KIF1C: variants seen among roughly 807,000 people sequenced by gnomAD.
The protein encoded by KIF1C is kinesin-like protein KIF1C.
KIF1C carries 61 observed loss-of-function variants against 126.5 expected under a neutral mutation model. That is an observed-to-expected ratio of 0.48 (90% CI 0.39 to 0.60). KIF1C has a LOEUF of 0.60. Among genes scored for constraint, KIF1C ranks in the 20% least tolerant of loss-of-function variants. The probability of loss-of-function intolerance (pLI) is 0.00; values close to 1 mark genes in which losing one functional copy is unlikely to be tolerated. For missense variants in KIF1C, 1,315 were observed against 1,489.2 expected (o/e 0.88, Z 1.93); for synonymous variants, 640 against 580.6 (o/e 1.10, Z -1.47).
intron 16 of KIF1C, among the ~76,000 whole-genome samples, chr17:5,012,944 G>A (rs757334317): frequency 1.7e-4 from 26 of 152,156 alleles, no homozygotes; most frequent in Non-Finnish European, 2.6e-4. Context: ...TGTTCAGGAT[G>A]GACTTGGCTG....
chr17:5,016,043 G>C (rs901257897), intron 18 of KIF1C, among the ~76,000 whole-genome samples: 2 of 152,062 alleles, frequency 1.3e-5, no homozygotes, highest in Non-Finnish European at 2.9e-5. Flanking sequence ...CTGTCTGTCA[G>C]CTTGGACCTG....
chr17:5,008,836 C>T (rs1349511766), intron 16 of KIF1C, among the ~76,000 whole-genome samples: 1 of 152,160 alleles, frequency 6.6e-6, no homozygotes, highest in African/African-American at 2.4e-5. Context: ...ATGCGCTCAG[C>T]ATGGCTTCCA....
chr17:5,003,732 T>A, intron 9 of KIF1C, 43 bp downstream of exon 9: 1 of 1,582,720 alleles, frequency 6.3e-7, no homozygotes, highest in South Asian at 1.1e-5. Context: ...GGCAGTGTTG[T>A]GGGCTGTATG....
At chr17:5,018,091 C>A (rs1975015588) in intron 18 of KIF1C, among the ~76,000 whole-genome samples, 2 of 152,082 alleles carry the variant, frequency 1.3e-5, no homozygotes, top group African/African-American at 4.8e-5. Flanking sequence ...AGTGATCCCC[C>A]CACCTCAGCC....
intron 14 of KIF1C, 37 bp downstream of exon 14, chr17:5,007,121 G>C: frequency 6.3e-7 from 1 of 1,580,934 alleles, no homozygotes; most frequent in Non-Finnish European, 8.6e-7. Context: ...GGGGGTCTGG[G>C]CATTCCTGGG....
chr17:5,008,984 TG>T (rs1469847834), intron 16 of KIF1C, among the ~76,000 whole-genome samples: 1 of 152,058 alleles, frequency 6.6e-6, no homozygotes, highest in African/African-American at 2.4e-5. Flanking sequence ...TGCCAAAGCC[TG>T]GGGACCAAAG....
intron 16 of KIF1C, 131 bp from the exon 17 acceptor site, chr17:5,013,522 A>T: frequency 1.3e-5 from 9 of 672,842 alleles, no homozygotes; most frequent in Non-Finnish European, 2.4e-5. Context: ...AGGGCAGGAG[A>T]GCTCTCCAGA....
rs780641175 is a variant in KIF1C at position 5,002,945 on chromosome 17, G to A, written c.720+103G>A. 6.7e-6 allele frequency: 6 copies of A among 899,534 alleles called. No homozygotes were observed. In the South Asian group the frequency reaches 7.6e-5, roughly 11 times the overall value. The allele number at this position is 899,534 out of a possible 1,614,324, so 55.7% of individuals were successfully genotyped here. A position where few individuals can be genotyped will look rare whatever the true frequency, so the allele number is the denominator to read the frequency against. ...TCTTGGGCCCTCCCTGCCCATGCTG[G>A]GTTGAGTGCCTCCTCAGGACTACCA... On this transcript the variant is annotated intron_variant, in intron 8 of 22. Coordinates refer to ENST00000320785, the MANE Select transcript of KIF1C (RefSeq NM_006612.6).
At position 5,015,067 on chromosome 17, in the gene KIF1C, C is replaced by T. The variant is rs560884508; in HGVS notation, c.1666+230C>T. ...AGACAGACTACTGTGTGGTCAGGCA[C>T]TGGCGAGGGTTCTAAGGTAGAAATG... is the stretch of plus-strand genomic sequence containing the variant. On this transcript the variant is annotated intron_variant, in intron 18 of 22. Coordinates refer to ENST00000320785, the MANE Select transcript of KIF1C (RefSeq NM_006612.6). Among the ~76,000 whole-genome samples the T allele has an allele frequency of 1.8e-4, 28 of 152,332 alleles. No homozygotes were observed. In the South Asian group the frequency reaches 3.1e-3, roughly 17 times the overall value.
chr17:5,006,961 G>T lies in KIF1C; in HGVS notation c.1212G>T (p.Val404=), dbSNP rs1355704460. The change falls in exon 14 of 23, where the codon GTG becomes GTT. Residue 404 remains valine (V), a synonymous_variant. Transcript: ENST00000320785. ...EGSVRGALPA[V]SSPPAPVSPS... ...GTGTCAGAGGCGCCCTGCCAGCTGT[G>T]TCATCTCCCCCAGCTCCAGTTTCAC... 8 of 1,609,084 alleles carry T rather than the reference G, an allele frequency of 5.0e-6. No homozygotes were observed. Among genetic ancestry groups the T allele is most frequent in the Non-Finnish European group, 6.8e-6 (8 of 1,178,726 alleles).
Position 5,022,579 on chromosome 17 carries a change from T to C in KIF1C, c.2498T>C (p.Leu833Pro). ...GCCCGAGGGGCGGAGGTGGAGGACC[T>C]CCGGGCCCACATCGACAAGCTGACG... ...EGARGAEVED[L>P]RAHIDKLTGI... The change falls in exon 22 of 23, where the codon CTC (leucine) becomes CCC (proline). Residue 833 changes from leucine (L) to proline (P), a missense_variant. Around this residue, in one of 2 missense-constraint regions of KIF1C, gnomAD observed 441 missense variants for 436.1 expected, o/e 1.01. Transcript: ENST00000320785. The surrounding 1 kb of genome is among the most constrained non-coding windows in gnomAD (Gnocchi z 4.9). 1 of 1,599,408 alleles carries C rather than the reference T, an allele frequency of 6.3e-7. No homozygotes were observed. Among genetic ancestry groups the C allele is most frequent in the African/African-American group, 1.3e-5 (1 of 74,828 alleles).
rs1974422704 is a variant in KIF1C at position 4,997,970 on chromosome 17, G to T, written c.-335G>T. On this transcript the variant is annotated 5_prime_UTR_variant, in exon 1 of 23. Coordinates refer to ENST00000320785, the MANE Select transcript of KIF1C (RefSeq NM_006612.6). ...GCCCCAGCTCGCGCTGCCCGGGCGG[G>T]CGCCGGCCGCTGGCGCCGCTACTGC... The T allele has an allele frequency of 6.8e-6, 1 of 146,704 alleles. No homozygotes were observed. The highest frequency in any genetic ancestry group is 2.0e-4 in the East Asian group (1 of 5,008). 9.1% of individuals were successfully genotyped at this position (146,704 alleles called of 1,614,324 possible). A position where few individuals can be genotyped will look rare whatever the true frequency, so the allele number is the denominator to read the frequency against.
chr17:5,013,555 G>T, intron 16 of KIF1C, 98 bp from the exon 17 acceptor site: 1 of 824,308 alleles, frequency 1.2e-6, no homozygotes, highest in Middle Eastern at 2.2e-4. Flanking sequence ...AGCTGGCAGT[G>T]CCAGGACTGG....
intron 16 of KIF1C, chr17:5,011,736 G>C (rs563457803): frequency 6.6e-6 from 1 of 152,160 alleles, no homozygotes; most frequent in South Asian, 2.1e-4. Context: ...ACCTCTGGGG[G>C]ACACAGCTTT....
At position 5,006,950 on chromosome 17, in the gene KIF1C, C is replaced by G. The variant is rs777437767; in HGVS notation, c.1201C>G (p.Leu401Val). The change falls in exon 14 of 23, where the codon CTG (leucine) becomes GTG (valine). Residue 401 changes from leucine (L) to valine (V), a missense_variant. Coordinates refer to ENST00000320785, the MANE Select transcript of KIF1C (RefSeq NM_006612.6). Reference sequence around the variant, plus strand: ...GGAAGAAGGGAGTGTCAGAGGCGCCCTGCCAGCTGTGTCATCTCCCCCAGC... The same window carrying G: ...GGAAGAAGGGAGTGTCAGAGGCGCCGTGCCAGCTGTGTCATCTCCCCCAGC... The part of the protein sequence containing the change: ...KTEEGSVRGA[L>V]PAVSSPPAPV... 2 of 1,609,460 alleles carry G rather than the reference C, an allele frequency of 1.2e-6. No homozygotes were observed. Among genetic ancestry groups the G allele is most frequent in the Admixed American group, 1.7e-5 (1 of 58,114 alleles).
chr17:4,998,171 A>C lies in KIF1C; in HGVS notation c.-149+15A>C, dbSNP rs1974436196. On this transcript the variant is annotated intron_variant, in intron 1 of 22. Transcript: ENST00000320785. Reference sequence around the variant, plus strand: ...GCCGCGCCGAGGTGAGGGCTGGGGAAGGGGGAGGGAAGGGACGCCCGCGGA... The same window carrying C: ...GCCGCGCCGAGGTGAGGGCTGGGGACGGGGGAGGGAAGGGACGCCCGCGGA... 1 of 151,894 alleles carries C rather than the reference A, an allele frequency of 6.6e-6. No individual in the cohort carries two copies. The highest frequency in any genetic ancestry group is 1.5e-5 in the Non-Finnish European group (1 of 67,994). 9.4% of individuals were successfully genotyped at this position (151,894 alleles called of 1,614,324 possible). A position where few individuals can be genotyped will look rare whatever the true frequency, so the allele number is the denominator to read the frequency against.
intron 16 of KIF1C, among the ~76,000 whole-genome samples, chr17:5,009,469 T>G (rs1974812094): frequency 6.6e-6 from 1 of 151,772 alleles, no homozygotes; most frequent in Non-Finnish European, 1.5e-5. Flanking sequence ...TGAGCCACCG[T>G]GCCAGGCCCA....
Position 5,020,902 on chromosome 17 carries a change from A to C in KIF1C, c.2010+24A>C, listed in dbSNP as rs370014931. ...TGGTGAGGGGCAGCAGGGGCTGGGG[A>C]TGGGCTGATGGGCAGATGAGCCGCA... On this transcript the variant is annotated intron_variant, in intron 21 of 22. Coordinates refer to ENST00000320785, the MANE Select transcript of KIF1C (RefSeq NM_006612.6). This position sits in a 1 kb window ranked among gnomAD's most constrained non-coding sequence, Gnocchi z 5.8. 2.6e-6 allele frequency: 4 copies of C among 1,554,826 alleles called. No individual in the cohort carries two copies. The African/African-American group carries it at 5.4e-5, about 21-fold the overall frequency.
intron 1 of KIF1C, among the ~76,000 whole-genome samples, chr17:4,999,296 C>G (rs188560842): frequency 1.3e-5 from 2 of 152,204 alleles, no homozygotes; most frequent in Non-Finnish European, 2.9e-5. Context: ...AAACTAGATT[C>G]TCCCTTGCCG....
Sources: gnomAD v4.1 joint callset for allele counts (sites outside exome capture counted in the v4.1 genomes callset) on GRCh38, gnomAD v4.1.1 for gene constraint, gnomAD v4.1.1 regional missense constraint, Gnocchi (gnomAD v3.1) non-coding constraint, MANE v1.5 for transcripts, NCBI Gene and HGNC (gene_info 2026-07-23, HGNC 2026-07-21) for gene names.